TDP1: variants seen among roughly 807,000 people sequenced by gnomAD.
TDP1 encodes the protein tyr-DNA phosphodiesterase 1.
Under a neutral mutation model 81.5 loss-of-function variants are expected in TDP1, and 64 were observed. The ratio of observed to expected loss-of-function variants is 0.79; its 90% confidence interval spans 0.64 to 0.97. The LOEUF is 0.97. Ranked by LOEUF, TDP1 falls within the 50% of genes least tolerant of loss-of-function variation. TDP1 has a pLI of 0.00. For missense variants in TDP1, 723 were observed against 743.8 expected (o/e 0.97, Z 0.33); for synonymous variants, 256 against 264.3 (o/e 0.97, Z 0.30).
chr14:90,036,844 C>G (rs1199654920), intron 16 of TDP1, among the ~76,000 whole-genome samples: 1 of 147,336 alleles, frequency 6.8e-6, no homozygotes, highest in African/African-American at 2.6e-5. Flanking sequence ...GGGTCTCGCT[C>G]TGTCACCTAG....
chr14:90,014,576 T>A (rs1885097834), intron 14 of TDP1, among the ~76,000 whole-genome samples: 1 of 152,194 alleles, frequency 6.6e-6, no homozygotes, highest in African/African-American at 2.4e-5. Flanking sequence ...TCATCCCTGG[T>A]CCTCTAGAAG....
intron 14 of TDP1, chr14:90,018,903 G>C: frequency 1.1e-6 from 1 of 935,718 alleles, no homozygotes; most frequent in Non-Finnish European, 1.3e-6. Flanking sequence ...AACTGAAAAA[G>C]GAAATATGAA....
Position 89,963,403 on chromosome 14 carries a change from C to T in TDP1, c.289C>T (p.Gln97Ter). The change falls in exon 3 of 17, where the codon CAA becomes TAA. Residue 97 changes from glutamine (Q) to a stop codon, truncating the protein, a stop_gained. Transcript: ENST00000335725. LOFTEE classifies it high-confidence loss of function. Reference sequence around the variant, plus strand: ...TCTGTCCAGCAGTGATGATGAGCTGCAACCAGAAATGCCGCAGAAGCAGGC... The same window carrying T: ...TCTGTCCAGCAGTGATGATGAGCTGTAACCAGAAATGCCGCAGAAGCAGGC... ...WCLSSSDDEL[Q>*]PEMPQKQAEK... 1 of 1,614,180 alleles carries T rather than the reference C, an allele frequency of 6.2e-7. No homozygotes were observed. Among genetic ancestry groups the T allele is most frequent in the Non-Finnish European group, 8.5e-7 (1 of 1,180,022 alleles).
At chr14:89,977,470 G>A (rs1056751286) in intron 7 of TDP1, among the ~76,000 whole-genome samples, 6 of 151,542 alleles carry the variant, frequency 4.0e-5, no homozygotes, top group African/African-American at 1.5e-4. Flanking sequence ...GCTAATTTTT[G>A]TATTTTTAGT....
At chr14:89,963,027 A>G (rs1355273591) in intron 2 of TDP1, 81 bp from the exon 3 acceptor site, 8 of 1,605,506 alleles carry the variant, frequency 5.0e-6, no homozygotes, top group African/African-American at 1.3e-5. Flanking sequence ...CTCATCTGAC[A>G]GGGAAGTTGA....
chr14:89,958,008 A>G (rs1431945395), intron 2 of TDP1, among the ~76,000 whole-genome samples: 1 of 152,122 alleles, frequency 6.6e-6, no homozygotes, highest in African/African-American at 2.4e-5. Context: ...TTTGTGAGTG[A>G]GTGAGCAAGC....
At chr14:90,030,878 G>A (rs1887201838) in intron 15 of TDP1, among the ~76,000 whole-genome samples, 1 of 151,272 alleles carries the variant, frequency 6.6e-6, no homozygotes, top group East Asian at 1.9e-4. Context: ...CTATTCTCCT[G>A]CCTCAGCCTC....
Position 89,971,306 on chromosome 14 carries a change from G to A in TDP1, c.756+35G>A, listed in dbSNP as rs755599070. 7.5e-5 allele frequency: 114 copies of A among 1,520,412 alleles called. 1 individual carries two copies. Among genetic ancestry groups the A allele is most frequent in the South Asian group, 1.5e-4 (13 of 89,260 alleles). The allele number at this position is 1,520,412 out of a possible 1,614,324, so 94.2% of individuals were successfully genotyped here. Reference sequence around the variant, plus strand: ...TTACTGCCGTTGGAGAGCACGCGTAGTCTGAGTTAGAAGGAAACTTAGACA... The same window carrying A: ...TTACTGCCGTTGGAGAGCACGCGTAATCTGAGTTAGAAGGAAACTTAGACA... On this transcript the variant is annotated intron_variant, in intron 6 of 16. Transcript: ENST00000335725.
At chr14:90,001,743 C>A (rs1308524902) in intron 14 of TDP1, among the ~76,000 whole-genome samples, 1 of 152,154 alleles carries the variant, frequency 6.6e-6, no homozygotes, top group African/African-American at 2.4e-5. Context: ...TCAAATGCTC[C>A]CCTTAAAGTG....
At chr14:90,020,160 G>A (rs979392586) in intron 15 of TDP1, among the ~76,000 whole-genome samples, 4 of 152,112 alleles carry the variant, frequency 2.6e-5, no homozygotes, top group African/African-American at 9.7e-5. Flanking sequence ...GCACATAGGG[G>A]CTGGGGTGTA....
intron 4 of TDP1, among the ~76,000 whole-genome samples, 199 bp downstream of exon 4, chr14:89,966,389 A>G (rs1892952075): frequency 6.6e-6 from 1 of 152,226 alleles, no homozygotes; most frequent in Admixed American, 6.5e-5. Context: ...TGTCACTATC[A>G]GGAGAGCATT....
rs1888649043 is a variant in TDP1 at position 90,044,653 on chromosome 14, G to C, written c.*1510G>C. The stretch of plus-strand genomic sequence containing the variant: ...GGGCCTCCCACCTTCCAACAGACAG[G>C]CTCTGCTGTATCTGTTGTACATACT... On this transcript the variant is annotated 3_prime_UTR_variant, in exon 17 of 17. Coordinates refer to ENST00000335725, the MANE Select transcript of TDP1 (RefSeq NM_018319.4). 6.6e-6 allele frequency: 1 copy of C among 152,240 alleles called. No homozygotes were observed. Among genetic ancestry groups the C allele is most frequent in the Admixed American group, 6.5e-5 (1 of 15,280 alleles). 9.4% of individuals were successfully genotyped at this position (152,240 alleles called of 1,614,324 possible).
chr14:90,002,239 T>C (rs1307282635), intron 14 of TDP1, among the ~76,000 whole-genome samples: 4 of 152,148 alleles, frequency 2.6e-5, no homozygotes, highest in African/African-American at 9.7e-5. Flanking sequence ...GATGGTGACA[T>C]TACCCAATCA....
chr14:90,019,485 C>G, intron 15 of TDP1, 67 bp downstream of exon 15: 2 of 893,338 alleles, frequency 2.2e-6, no homozygotes, highest in Non-Finnish European at 3.8e-6. Flanking sequence ...TGTTCTCTTC[C>G]TTTAGTCACA....
At chr14:90,037,819 AAT>A (rs1475857198) in intron 16 of TDP1, among the ~76,000 whole-genome samples, 2 of 152,326 alleles carry the variant, frequency 1.3e-5, no homozygotes, top group African/African-American at 4.8e-5. Context: ...TTTCCTCAAT[AAT>A]GTCCTTTATA....
At chr14:89,985,604 A>T (rs1895471458) in intron 10 of TDP1, among the ~76,000 whole-genome samples, 1 of 152,240 alleles carries the variant, frequency 6.6e-6, no homozygotes, top group South Asian at 2.1e-4. Flanking sequence ...TTGATTATTA[A>T]ACCAGTGCCC....
chr14:89,984,558 C>G lies in TDP1; in HGVS notation c.927C>G (p.Thr309=), dbSNP rs931329817. The G allele has an allele frequency of 3.1e-6, 5 of 1,613,924 alleles. No individual in the cohort carries two copies. The African/African-American group carries it at 5.3e-5, about 17-fold the overall frequency. ...TATACCCACGAATTGCTGATGGAAC[C>G]CACAAATCTGGAGAGTCGCCAACAC... ...SPLYPRIADG[T]HKSGESPTHF... Residue 309 remains threonine (T), a synonymous_variant, in exon 9 of 17, where the codon ACC becomes ACG. Coordinates refer to ENST00000335725, the MANE Select transcript of TDP1 (RefSeq NM_018319.4).
chr14:90,011,830 G>A (rs574934498), intron 14 of TDP1, among the ~76,000 whole-genome samples: 20 of 152,316 alleles, frequency 1.3e-4, no homozygotes, highest in African/African-American at 4.6e-4. Context: ...CATAAAAGTT[G>A]GAAAATCTGC....
intron 7 of TDP1, 136 bp downstream of exon 7, chr14:89,975,951 GC>G: frequency 1.3e-6 from 1 of 764,338 alleles, no homozygotes; most frequent in Middle Eastern, 2.3e-4. Flanking sequence ...GCCTGGGGGA[GC>G]TATTCTTTTA....
Sources: allele counts gnomAD v4.1 joint callset (sites outside exome capture counted in the v4.1 genomes callset), GRCh38; gene constraint gnomAD v4.1.1; transcripts MANE v1.5; gene names NCBI Gene and HGNC (gene_info 2026-07-23, HGNC 2026-07-21).